The following SLC25A21 variants were observed in gnomAD, a reference collection of about 807,000 sequenced individuals.
SLC25A21 encodes mitochondrial 2-oxodicarboxylate carrier.
In SLC25A21, 47 loss-of-function variants were observed where a neutral mutation model predicts 43.8. That is an observed-to-expected ratio of 1.07 (90% CI 0.85 to 1.37). SLC25A21 has a LOEUF of 1.37. Among genes scored for constraint, SLC25A21 ranks in the 40% most tolerant of loss-of-function variants. The pLI, the probability that SLC25A21 is intolerant of heterozygous loss-of-function variation, is 0.00. For missense variants in SLC25A21, 352 were observed against 350.2 expected, an observed-to-expected ratio of 1.00 and a Z score of -0.04; for synonymous variants, 131 against 121.3, an observed-to-expected ratio of 1.08 and a Z score of -0.52.
At chr14:36,731,220 G>A (rs1284343031) in intron 4 of SLC25A21, among the ~76,000 whole-genome samples, 3 of 152,122 alleles carry the variant, frequency 2.0e-5, no homozygotes, top group South Asian at 2.1e-4. Flanking sequence ...TGATCCGACC[G>A]CCTCGGCCTC....
chr14:36,904,259 T>A (rs1349392763), intron 1 of SLC25A21, among the ~76,000 whole-genome samples: 1 of 152,230 alleles, frequency 6.6e-6, no homozygotes, highest in Non-Finnish European at 1.5e-5. Flanking sequence ...GTTGCTCACA[T>A]ATCATTCGGG....
At chr14:36,800,514 A>T (rs1339197134) in intron 3 of SLC25A21, among the ~76,000 whole-genome samples, 1 of 152,178 alleles carries the variant, frequency 6.6e-6, no homozygotes, top group Non-Finnish European at 1.5e-5. Context: ...TTCCACTTAC[A>T]TGAGATACCT....
chr14:36,820,288 T>C (rs1324883464), intron 2 of SLC25A21, among the ~76,000 whole-genome samples: 1 of 152,222 alleles, frequency 6.6e-6, no homozygotes, highest in Non-Finnish European at 1.5e-5. Context: ...TTTACTTTAA[T>C]GTGCCATCCG....
At chr14:36,748,929 T>C (rs114047162) in intron 3 of SLC25A21, among the ~76,000 whole-genome samples, 1,750 of 152,284 alleles carry the variant, frequency 0.011, 35 homozygotes, top group African/African-American at 0.039. Context: ...AAGCCTGCCT[T>C]TTTACATATT....
intron 3 of SLC25A21, among the ~76,000 whole-genome samples, chr14:36,754,062 C>A (rs1242427968): frequency 6.6e-6 from 1 of 152,126 alleles, no homozygotes; most frequent in Admixed American, 6.5e-5. Flanking sequence ...ATTCACCAGG[C>A]TAATTTTATG....
At chr14:37,116,810 C>A (rs1299221378) in intron 1 of SLC25A21, among the ~76,000 whole-genome samples, 1 of 152,120 alleles carries the variant, frequency 6.6e-6, no homozygotes, top group Non-Finnish European at 1.5e-5. Flanking sequence ...TCAAACTAAA[C>A]AACTACACAT....
intron 2 of SLC25A21, among the ~76,000 whole-genome samples, chr14:36,825,976 A>G (rs1349380656): frequency 6.6e-6 from 1 of 152,210 alleles, no homozygotes; most frequent in African/African-American, 2.4e-5. Flanking sequence ...GTAATACCTT[A>G]TTATTGAGTA....
chr14:37,117,888 T>C (rs1167754583), intron 1 of SLC25A21, among the ~76,000 whole-genome samples: 1 of 152,032 alleles, frequency 6.6e-6, no homozygotes, highest in African/African-American at 2.4e-5. Context: ...TTTGTCATTT[T>C]GGTAGGAAGT....
At chr14:36,681,947 T>C (rs918092926) in intron 9 of SLC25A21, among the ~76,000 whole-genome samples, 1 of 152,198 alleles carries the variant, frequency 6.6e-6, no homozygotes, top group Non-Finnish European at 1.5e-5. Flanking sequence ...TTACTAATCA[T>C]TCACAATGTA....
chr14:36,800,915 A>G (rs1887848404), intron 3 of SLC25A21, among the ~76,000 whole-genome samples: 1 of 152,184 alleles, frequency 6.6e-6, no homozygotes, highest in South Asian at 2.1e-4. Flanking sequence ...AACATTGAAA[A>G]GCCCCTGGAT....
intron 1 of SLC25A21, among the ~76,000 whole-genome samples, chr14:36,987,278 G>A (rs72667343): frequency 0.087 from 13,303 of 152,122 alleles, 659 homozygotes; most frequent in African/African-American, 0.13. Flanking sequence ...TTTATTTAGA[G>A]TTAAGTTCCC....
At chr14:36,838,925 A>G (rs1044650127) in intron 2 of SLC25A21, among the ~76,000 whole-genome samples, 2 of 152,218 alleles carry the variant, frequency 1.3e-5, no homozygotes, top group Non-Finnish European at 2.9e-5. Context: ...TTACAAGGTT[A>G]GTATCATTAT....
chr14:36,810,847 C>T (rs184305938), intron 3 of SLC25A21, among the ~76,000 whole-genome samples: 24 of 52,830 alleles, frequency 4.5e-4, no homozygotes, highest in Non-Finnish European at 7.4e-4. Context: ...CAGGATGGTG[C>T]GTGCTATATT....
At chr14:36,978,273 C>T (rs76356174) in intron 1 of SLC25A21, among the ~76,000 whole-genome samples, 292 of 152,164 alleles carry the variant, frequency 1.9e-3, no homozygotes, top group African/African-American at 6.8e-3. Flanking sequence ...TACAATAAAG[C>T]GATTACTACA....
At chr14:37,146,296 T>C (rs1361655056) in intron 1 of SLC25A21, among the ~76,000 whole-genome samples, 1 of 152,146 alleles carries the variant, frequency 6.6e-6, no homozygotes, top group Non-Finnish European at 1.5e-5. Flanking sequence ...TGTGACAGTA[T>C]ATACAGTGGT....
At chr14:37,091,277 A>G (rs908398300) in intron 1 of SLC25A21, among the ~76,000 whole-genome samples, 3 of 152,108 alleles carry the variant, frequency 2.0e-5, no homozygotes, top group African/African-American at 7.2e-5. Context: ...TACTAAAAAT[A>G]CAAAAAATTA....
Position 36,764,079 on chromosome 14 carries a change from AGAAG to A in SLC25A21, c.204-29510_204-29507del, listed in dbSNP as rs780464975. On this transcript the variant is annotated intron_variant, in intron 3 of 9. Transcript: ENST00000331299. ...AAGAAAGAAAGAAAGAAAGAAAGAA[AGAAG>A]GAAGGAAGGAAGGAAGGAAGGAAGG... Among the ~76,000 whole-genome samples the A allele has an allele frequency of 6.7e-4, 28 of 41,866 alleles. 2 individuals carry two copies. Among genetic ancestry groups the A allele is most frequent in the South Asian group, 3.8e-3 (4 of 1,056 alleles). The allele number at this position is 41,866 out of a possible 152,430, so 27.5% of individuals were successfully genotyped here.
At chr14:37,041,625 A>G (rs1160995400) in intron 1 of SLC25A21, among the ~76,000 whole-genome samples, 1 of 152,230 alleles carries the variant, frequency 6.6e-6, no homozygotes. Context: ...ATATTTAACT[A>G]AATATATAAA....
intron 3 of SLC25A21, among the ~76,000 whole-genome samples, chr14:36,737,496 C>G (rs1021143025): frequency 5.3e-5 from 8 of 152,110 alleles, no homozygotes; most frequent in Non-Finnish European, 1.0e-4. Context: ...TGAGAATGAG[C>G]AATTTTAACA....
Sources: gnomAD v4.1 joint callset for allele counts (sites outside exome capture counted in the v4.1 genomes callset) on GRCh38, gnomAD v4.1.1 for gene constraint, MANE v1.5 for transcripts, NCBI Gene and HGNC (gene_info 2026-07-23, HGNC 2026-07-21) for gene names.